Variants in HMCN2 observed in about 807,000 individuals in gnomAD.
HMCN2 encodes the protein hemicentin-2.
HMCN2 carries 325 observed loss-of-function variants against 377.5 expected under a neutral mutation model. The ratio of observed to expected loss-of-function variants is 0.86; its 90% CI spans 0.79 to 0.94. HMCN2 has a LOEUF of 0.94. Ranked by LOEUF, HMCN2 falls within the 40% of genes least tolerant of loss-of-function variation. The pLI is 0.00. For synonymous variants in HMCN2, 2,007 were observed against 2,046.8 expected (o/e 0.98, Z 0.53); for missense variants, 4,543 against 4,725.3 (o/e 0.96, Z 1.13).
Position 130,394,647 on chromosome 9 carries a change from C to T in HMCN2, c.10692+72C>T. 1 of 1,155,584 alleles carries T rather than the reference C, an allele frequency of 8.7e-7. No homozygotes were observed. Among genetic ancestry groups the T allele is most frequent in the Non-Finnish European group, 1.1e-6 (1 of 896,166 alleles). 71.6% of individuals were successfully genotyped at this position (1,155,584 alleles called of 1,614,324 possible). A position where few individuals can be genotyped will look rare whatever the true frequency, so the allele number is the denominator to read the frequency against. On this transcript the variant is annotated intron_variant, in intron 69 of 97. Coordinates refer to ENST00000683500, the MANE Select transcript of HMCN2 (RefSeq NM_001291815.2). The surrounding 1 kb of genome is among the most constrained non-coding windows in gnomAD (Gnocchi z 5.1). ...GGGAGGGACTGCAGGTTCCCCAGAC[C>T]CAGTGGGCAGTTGACAAAGTTGGGC... is the stretch of plus-strand genomic sequence containing the variant.
chr9:130,294,971 G>A lies in HMCN2; in HGVS notation c.729G>A (p.Glu243=), dbSNP rs1340366615. 1 of 470,910 alleles carries A rather than the reference G, an allele frequency of 2.1e-6. No homozygotes were observed. The highest frequency in any genetic ancestry group is 2.0e-5 in the African/African-American group (1 of 50,060). 29.2% of individuals were successfully genotyped at this position (470,910 alleles called of 1,614,324 possible). A position where few individuals can be genotyped will look rare whatever the true frequency, so the allele number is the denominator to read the frequency against. The change falls in exon 5 of 98, where the codon GAG becomes GAA. Residue 243 remains glutamate (E), a synonymous_variant. Coordinates refer to ENST00000683500, the MANE Select transcript of HMCN2 (RefSeq NM_001291815.2). ...TCCCCTTTGACCCCAGCCTGAAGGA[G>A]GTCACCATCTCATTGAGTGGGCCAG... ...WRLPFDPSLK[E]VTISLSGPGP...
At position 130,428,972 on chromosome 9, in the gene HMCN2, T is replaced by C. The variant is rs1844562228; in HGVS notation, c.14197+483T>C. ...AATGGTCCTTCCTGCTCTAACAGTC[T>C]ATGGCTGTAGGACCGTGGGTCCACC... On this transcript the variant is annotated intron_variant, in intron 93 of 97. Transcript: ENST00000683500. This position sits in a 1 kb window ranked among gnomAD's most constrained non-coding sequence, Gnocchi z 5.0. 6.6e-6 allele frequency among the ~76,000 whole-genome samples: 1 copy of C among 152,198 alleles called. No homozygotes were observed. The highest frequency in any genetic ancestry group is 2.4e-5 in the African/African-American group (1 of 41,438).
intron 32 of HMCN2, among the ~76,000 whole-genome samples, chr9:130,355,418 A>G (rs539486120): frequency 8.5e-4 from 130 of 152,326 alleles, no homozygotes; most frequent in Non-Finnish European, 1.3e-3. Context: ...TCTTCCATCC[A>G]TTGCTGAAGC....
chr9:130,391,294 A>G lies in HMCN2; in HGVS notation c.9758A>G (p.Gln3253Arg). 1.0e-6 allele frequency: 1 copy of G among 987,664 alleles called. No individual in the cohort carries two copies. Among genetic ancestry groups the G allele is most frequent in the Non-Finnish European group, 1.2e-6 (1 of 830,140 alleles). 61.2% of individuals were successfully genotyped at this position (987,664 alleles called of 1,614,324 possible). A position where few individuals can be genotyped will look rare whatever the true frequency, so the allele number is the denominator to read the frequency against. Reference sequence around the variant, plus strand: ...CGGCTGGACTGTGAGGCCGATGGGCAGCCGCCGCCGGACGTGGCCTGGCTG... The same window carrying G: ...CGGCTGGACTGTGAGGCCGATGGGCGGCCGCCGCCGGACGTGGCCTGGCTG... ...EVRLDCEADG[Q>R]PPPDVAWLKD... The change falls in exon 64 of 98, where the codon CAG (glutamine) becomes CGG (arginine). Residue 3253 changes from glutamine to arginine, a missense_variant. Physicochemically the swap from Gln to Arg is conservative, Grantham distance 43 (BLOSUM62 1). Around this residue, in one of 5 missense-constraint regions of HMCN2, gnomAD observed 736 missense variants for 773.2 expected, o/e 0.95. Transcript: ENST00000683500.
chr9:130,359,537 C>T (rs1234907050), intron 37 of HMCN2, 123 bp downstream of exon 37: 2 of 386,122 alleles, frequency 5.2e-6, no homozygotes, highest in African/African-American at 2.1e-5. Flanking sequence ...GTCTTTCCCC[C>T]CCGTTTCTCT....
At chr9:130,376,818 A>G (rs1841409269) in intron 52 of HMCN2, among the ~76,000 whole-genome samples, 160 bp downstream of exon 52, 1 of 151,870 alleles carries the variant, frequency 6.6e-6, no homozygotes, top group African/African-American at 2.4e-5. Context: ...TTTTTTTGAG[A>G]TGGAGTGTTG....
chr9:130,355,429 A>C (rs1437743848), intron 32 of HMCN2, among the ~76,000 whole-genome samples: 1 of 152,218 alleles, frequency 6.6e-6, no homozygotes, highest in Non-Finnish European at 1.5e-5. Context: ...TTGCTGAAGC[A>C]TCTCAGGTCC....
In HMCN2 at chr9:130,394,370, C is replaced by T; in HGVS notation, c.10502-15C>T. The T allele has an allele frequency of 3.1e-6, 4 of 1,285,676 alleles. No homozygotes were observed. The highest frequency in any genetic ancestry group is 4.1e-6 in the Non-Finnish European group (4 of 985,462). The allele number at this position is 1,285,676 out of a possible 1,614,324, so 79.6% of individuals were successfully genotyped here. ...TGTGTGTCAATTGTGTGTTCCCCTC[C>T]ATGGTGGCTTGCAGAGCCCCCTCAC... is the stretch of plus-strand genomic sequence containing the variant. On this transcript the variant is annotated splice_polypyrimidine_tract_variant and intron_variant, in intron 68 of 97. Coordinates refer to ENST00000683500, the MANE Select transcript of HMCN2 (RefSeq NM_001291815.2). The surrounding 1 kb of genome is among the most constrained non-coding windows in gnomAD (Gnocchi z 5.1).
chr9:130,349,970 T>TCACTGCAGC (rs1470095132), intron 29 of HMCN2, among the ~76,000 whole-genome samples: 1 of 141,994 alleles, frequency 7.0e-6, no homozygotes, highest in African/African-American at 2.6e-5. Flanking sequence ...CGATCTCAGC[T>TCACTGCAGC]CACTGCAGCC....
chr9:130,368,205 C>T (rs1301100187), intron 43 of HMCN2, 71 bp from the exon 44 acceptor site: 2 of 941,524 alleles, frequency 2.1e-6, no homozygotes, highest in Non-Finnish European at 2.5e-6. Flanking sequence ...GGAGGACAAA[C>T]TTTCCATGTG....
intron 1 of HMCN2, among the ~76,000 whole-genome samples, chr9:130,266,607 C>G (rs562719666): frequency 2.0e-5 from 3 of 152,238 alleles, no homozygotes; most frequent in African/African-American, 7.2e-5. Context: ...CAGAGGCAGG[C>G]CTTGAGACGA....
chr9:130,284,269 T>C (rs1451607497), intron 1 of HMCN2, among the ~76,000 whole-genome samples: 3 of 152,138 alleles, frequency 2.0e-5, no homozygotes, highest in Non-Finnish European at 4.4e-5. Context: ...TGGCAGCCGG[T>C]GGGATGTTGG....
At chr9:130,353,269 C>T in intron 31 of HMCN2, 64 bp downstream of exon 31, 1 of 1,264,558 alleles carries the variant, frequency 7.9e-7, no homozygotes, top group Non-Finnish European at 1.0e-6. Flanking sequence ...ATGGTGGCCC[C>T]TGCCTGTCTC....
chr9:130,386,079 C>T (rs1043735392), intron 60 of HMCN2, among the ~76,000 whole-genome samples: 1 of 152,166 alleles, frequency 6.6e-6, no homozygotes, highest in Non-Finnish European at 1.5e-5. Context: ...CCCTGCCCTC[C>T]CTCCCTCCTT....
At chr9:130,381,093 C>T (rs1410602752) in intron 54 of HMCN2, among the ~76,000 whole-genome samples, 2 of 152,218 alleles carry the variant, frequency 1.3e-5, no homozygotes, top group African/African-American at 4.8e-5. Flanking sequence ...TGACCTCTAA[C>T]CTCTGTTCTC....
intron 80 of HMCN2, 65 bp downstream of exon 80, chr9:130,403,940 T>C (rs1842971504): frequency 8.1e-7 from 1 of 1,238,814 alleles, no homozygotes. Context: ...TTCTGCAAGC[T>C]TCTCCCTTCT....
In HMCN2 at chr9:130,351,814, C is replaced by CTT. The variant is rs200190526; in HGVS notation, c.4585+238_4585+239dup. 6.6e-6 allele frequency among the ~76,000 whole-genome samples: 1 copy of CTT among 151,104 alleles called. No individual in the cohort carries two copies. Among genetic ancestry groups the CTT allele is most frequent in the Non-Finnish European group, 1.5e-5 (1 of 67,788 alleles). ...CCATCCCAGCTCTAAAAATTTACTA[C>CTT]TTATGTTTTTTTTTTGAGATGAATT... On this transcript the variant is annotated intron_variant, in intron 30 of 97. Transcript: ENST00000683500. This position sits in a 1 kb window ranked among gnomAD's most constrained non-coding sequence, Gnocchi z 5.4.
chr9:130,353,687 C>T (rs1047494142), intron 31 of HMCN2, among the ~76,000 whole-genome samples: 1 of 152,168 alleles, frequency 6.6e-6, no homozygotes, highest in Non-Finnish European at 1.5e-5. Context: ...CAGGTTCACA[C>T]CCCTAGGAGG....
Position 130,330,095 on chromosome 9 carries a change from C to T in HMCN2, c.3359+2620C>T, listed in dbSNP as rs898882490. On this transcript the variant is annotated intron_variant, in intron 22 of 97. Transcript: ENST00000683500. The stretch of plus-strand genomic sequence containing the variant: ...TGTCCTTCCTTCTCCAAGGATGTCC[C>T]CAGGCTCAGCCTCAAAGCTGCCCTT... Among the ~76,000 whole-genome samples, 469 of 152,024 alleles carry T rather than the reference C, an allele frequency of 3.1e-3. 4 individuals carry two copies. The highest frequency in any genetic ancestry group is 0.01 in the African/African-American group (429 of 41,432).
Sources: gnomAD v4.1 joint callset for allele counts (sites outside exome capture counted in the v4.1 genomes callset) on GRCh38, gnomAD v4.1.1 for gene constraint, gnomAD v4.1.1 regional missense constraint, Gnocchi (gnomAD v3.1) non-coding constraint, MANE v1.5 for transcripts, NCBI Gene and HGNC (gene_info 2026-07-23, HGNC 2026-07-21) for gene names.